LOC400499: variants seen among roughly 807,000 people sequenced by gnomAD.
chr16:11,495,185 G>A, the LOC400499 span, among the ~76,000 whole-genome samples: 3 of 150,730 alleles, frequency 2.0e-5, no homozygotes, highest in South Asian at 4.2e-4. Flanking sequence ...CTGCACCCTG[G>A]GTGGCAGAGC....
the LOC400499 span, chr16:11,424,366 C>T: frequency 2.5e-6 from 1 of 399,520 alleles, no homozygotes. Flanking sequence ...GGCCAGCGGG[C>T]AGGAGTGGGC....
At chr16:11,496,883 C>A in the LOC400499 span, among the ~76,000 whole-genome samples, 1 of 133,252 alleles carries the variant, frequency 7.5e-6, no homozygotes, top group African/African-American at 2.8e-5. Flanking sequence ...GGCGTGTATG[C>A]CTCAATGTGT....
chr16:11,471,910 C>T, the LOC400499 span: 1 of 398,324 alleles, frequency 2.5e-6, no homozygotes, highest in South Asian at 1.4e-4. Context: ...GCAAAGAAAC[C>T]TCTTCTCTAA....
the LOC400499 span, among the ~76,000 whole-genome samples, chr16:11,428,243 C>T: frequency 1.3e-5 from 2 of 151,970 alleles, no homozygotes; most frequent in African/African-American, 2.4e-5. Flanking sequence ...GGCGTAATCT[C>T]TCACTGCAAC....
the LOC400499 span, among the ~76,000 whole-genome samples, chr16:11,496,067 C>CTTT: frequency 6.2e-5 from 9 of 145,464 alleles, no homozygotes; most frequent in Admixed American, 1.4e-4. Flanking sequence ...TAGCTCTGTC[C>CTTT]TTTTTTTTTT....
chr16:11,439,564 G>A, the LOC400499 span: 17 of 399,228 alleles, frequency 4.3e-5, no homozygotes, highest in Admixed American at 1.3e-4. Context: ...AGTCAGATCC[G>A]TTCAGCTGGA....
the LOC400499 span, chr16:11,398,447 C>T: frequency 2.0e-4 from 248 of 1,232,266 alleles, 1 homozygote; most frequent in African/African-American, 3.6e-3. Flanking sequence ...TACAAGAGGC[C>T]CCGAGGACGT....
the LOC400499 span, chr16:11,392,824 C>G: frequency 1.0e-6 from 1 of 980,674 alleles, no homozygotes; most frequent in Non-Finnish European, 1.2e-6. Context: ...GAACACATCA[C>G]CCCCTACCCC....
At chr16:11,400,525 C>T in the LOC400499 span, among the ~76,000 whole-genome samples, 1 of 151,970 alleles carries the variant, frequency 6.6e-6, no homozygotes, top group Non-Finnish European at 1.5e-5. Flanking sequence ...ACTGCAACCT[C>T]CACCTCCAGG....
chr16:11,393,205 G>A, the LOC400499 span, among the ~76,000 whole-genome samples: 1 of 147,044 alleles, frequency 6.8e-6, no homozygotes, highest in African/African-American at 2.5e-5. Flanking sequence ...TGTTGCCCAG[G>A]CTGGTCCTGA....
chr16:11,413,092 C>T, the LOC400499 span: 905 of 396,158 alleles, frequency 2.3e-3, 10 homozygotes, highest in African/African-American at 0.017. Flanking sequence ...TCATCCAACA[C>T]TCTCACAGGT....
At chr16:11,489,611 G>C in the LOC400499 span, among the ~76,000 whole-genome samples, 1 of 152,150 alleles carries the variant, frequency 6.6e-6, no homozygotes, top group African/African-American at 2.4e-5. Context: ...GAATAGAGCA[G>C]AATGTGGGTT....
chr16:11,384,640 C>G, the LOC400499 span, among the ~76,000 whole-genome samples: 3 of 152,248 alleles, frequency 2.0e-5, no homozygotes, highest in Non-Finnish European at 4.4e-5. Context: ...GAAGGGCCAA[C>G]TCCACACTGG....
chr16:11,459,493 G>A, the LOC400499 span, among the ~76,000 whole-genome samples: 1 of 152,062 alleles, frequency 6.6e-6, no homozygotes, highest in Non-Finnish European at 1.5e-5. Flanking sequence ...ACTGCGCCCG[G>A]CCCCTAAACA....
the LOC400499 span, chr16:11,471,472 T>C: frequency 7.6e-6 from 3 of 394,962 alleles, no homozygotes; most frequent in African/African-American, 2.1e-5. Flanking sequence ...TCAGAGTTAA[T>C]GCATCATACA....
At chr16:11,399,885 C>T in the LOC400499 span, 2 of 398,380 alleles carry the variant, frequency 5.0e-6, no homozygotes, top group South Asian at 1.3e-4. Context: ...TTAACGGTGT[C>T]CCCACAGCCA....
the LOC400499 span, among the ~76,000 whole-genome samples, chr16:11,443,116 G>C: frequency 9.2e-5 from 14 of 151,960 alleles, no homozygotes; most frequent in Non-Finnish European, 1.8e-4. Context: ...CTGAGGTCAG[G>C]AGCTCGAGAC....
chr16:11,396,784 C>T, the LOC400499 span: 1 of 889,698 alleles, frequency 1.1e-6, no homozygotes, highest in Non-Finnish European at 1.5e-6. Context: ...CCAGCCTCCA[C>T]ACCTGTCGCA....
chr16:11,375,565 G>A, the LOC400499 span, among the ~76,000 whole-genome samples: 17,303 of 140,110 alleles, frequency 0.12, 1,651 homozygotes, highest in Middle Eastern at 0.26. Flanking sequence ...CGCCCACCTT[G>A]GCTTCCCAAA....
Sources: gnomAD v4.1 joint callset for allele counts (sites outside exome capture counted in the v4.1 genomes callset) on GRCh38, gnomAD v4.1.1 for gene constraint, MANE v1.5 for transcripts.